Variants in ESRRB observed in about 807,000 individuals in gnomAD.
The protein encoded by ESRRB is steroid hormone receptor ERR2.
In ESRRB, 16 loss-of-function variants were observed where a neutral mutation model predicts 46.0. The observed-to-expected ratio is 0.35, with a 90% CI of 0.24 to 0.53. ESRRB has a LOEUF of 0.53. Ranked by LOEUF, ESRRB falls within the 20% of genes least tolerant of loss-of-function variation. ESRRB has a pLI of 0.93. For missense variants in ESRRB, 488 were observed against 607.4 expected (o/e 0.80, Z 2.07); for synonymous variants, 246 against 259.6 (o/e 0.95, Z 0.50).
chr14:76,365,913 C>T (rs1884516648), intron 1 of ESRRB, among the ~76,000 whole-genome samples: 1 of 152,202 alleles, frequency 6.6e-6, no homozygotes, highest in African/African-American at 2.4e-5. Context: ...AAATGCCTCT[C>T]TTATTGCTCG....
At chr14:76,479,252 T>TGCGC (rs1555343646) in intron 3 of ESRRB, among the ~76,000 whole-genome samples, 2 of 150,142 alleles carry the variant, frequency 1.3e-5, no homozygotes, top group Non-Finnish European at 3.0e-5. Flanking sequence ...CATGCGTGCG[T>TGCGC]GTGTGTGTGT....
chr14:76,427,376 T>C (rs1887250012), intron 1 of ESRRB, among the ~76,000 whole-genome samples: 1 of 152,000 alleles, frequency 6.6e-6, no homozygotes. Context: ...TGTGTACGTG[T>C]ACATGCATGT....
intron 1 of ESRRB, among the ~76,000 whole-genome samples, chr14:76,390,999 G>T (rs376940088): frequency 1.3e-5 from 2 of 152,228 alleles, no homozygotes; most frequent in African/African-American, 4.8e-5. Context: ...CTTGCGAGGA[G>T]GCAGCTGCCC....
In ESRRB at chr14:76,359,739, G is replaced by C. The variant is rs199884911; in HGVS notation, c.2+48823G>C. ...GCAGGCCAGGGAAAGCAGAGGGCTT[G>C]TGGGAAGGGTTCGTGCAGGAGGCAG... is the stretch of plus-strand genomic sequence containing the variant. On this transcript the variant is annotated intron_variant, in intron 1 of 6. Transcript: ENST00000512784. Among the ~76,000 whole-genome samples, 18 of 152,286 alleles carry C rather than the reference G, an allele frequency of 1.2e-4. No individual in the cohort carries two copies. In the East Asian group the frequency reaches 2.9e-3, roughly 24 times the overall value.
Position 76,475,290 on chromosome 14 carries a change from G to A in ESRRB, c.578-6726G>A, listed in dbSNP as rs1306350439. Among the ~76,000 whole-genome samples, 3 of 150,904 alleles carry A rather than the reference G, an allele frequency of 2.0e-5. No homozygotes were observed. The South Asian group carries it at 6.3e-4, about 32-fold the overall frequency. On this transcript the variant is annotated intron_variant, in intron 3 of 6. Coordinates refer to ENST00000644823, the MANE Select transcript of ESRRB (RefSeq NM_001379180.1). ...AGGCTGAGGCAGGAGGATCACTGGA[G>A]CCCAGTAGTTTGAGGTTGCAGCGAG...
intron 3 of ESRRB, among the ~76,000 whole-genome samples, chr14:76,467,500 C>CAAAAAAAAAAAAAAAAAAAAAAA (rs397709875): frequency 1.1e-5 from 1 of 91,740 alleles, no homozygotes; most frequent in Non-Finnish European, 2.2e-5. Context: ...GCCTCTGTCT[C>CAAAAAAAAAAAAAAAAAAAAAAA]AAAAAAAAAA....
chr14:76,403,983 T>G (rs906348362), intron 1 of ESRRB, among the ~76,000 whole-genome samples: 3 of 152,282 alleles, frequency 2.0e-5, no homozygotes, highest in Admixed American at 2.0e-4. Context: ...CCTCCCAAAG[T>G]GCTGGGATTA....
chr14:76,499,571 C>T lies in ESRRB; in HGVS notation c.*1113C>T. ...CTGCACTCAGCATCATGCCACAGGGCTAGTGTACCAGTGCCACAGGAGGGG... is the reference window on the plus strand; with the variant it reads ...CTGCACTCAGCATCATGCCACAGGGTTAGTGTACCAGTGCCACAGGAGGGG... On this transcript the variant is annotated 3_prime_UTR_variant, in exon 7 of 7. Transcript: ENST00000644823. The T allele has an allele frequency of 2.0e-6, 1 of 497,178 alleles. No homozygotes were observed. Among genetic ancestry groups the T allele is most frequent in the South Asian group, 2.0e-5 (1 of 49,294 alleles). 30.8% of individuals were successfully genotyped at this position (497,178 alleles called of 1,614,324 possible). A position where few individuals can be genotyped will look rare whatever the true frequency, so the allele number is the denominator to read the frequency against.
intron 1 of ESRRB, among the ~76,000 whole-genome samples, chr14:76,433,590 G>C (rs2139918524): frequency 6.6e-6 from 1 of 152,236 alleles, no homozygotes; most frequent in East Asian, 1.9e-4. Context: ...CAAGGTAGCT[G>C]GTGCTGCCTG....
chr14:76,358,432 A>T (rs1884424648), intron 1 of ESRRB, among the ~76,000 whole-genome samples: 1 of 150,658 alleles, frequency 6.6e-6, no homozygotes, highest in African/African-American at 2.4e-5. Flanking sequence ...AAAAAGAAAA[A>T]AATGGCAATG....
In ESRRB at chr14:76,461,478, CTTTTGTTTTGTTTTG is replaced by C. The variant is rs147348934; in HGVS notation, c.461-1033_461-1019del. 8.0e-3 allele frequency among the ~76,000 whole-genome samples: 1,202 copies of C among 150,426 alleles called. 45 individuals carry two copies. Among genetic ancestry groups the C allele is most frequent in the Admixed American group, 0.068 (1,032 of 15,076 alleles). ...ATGGGTTGGGTTTATGGTAGCCATT[CTTTTGTTTTGTTTTG>C]TTTTGTTTTGTTTTGTTTTGTTTTG... is the stretch of plus-strand genomic sequence containing the variant. On this transcript the variant is annotated intron_variant, in intron 2 of 6. Transcript: ENST00000644823.
Position 76,475,265 on chromosome 14 carries a change from A to C in ESRRB, c.578-6751A>C, listed in dbSNP as rs1026761179. 2.6e-5 allele frequency among the ~76,000 whole-genome samples: 4 copies of C among 151,224 alleles called. No homozygotes were observed. The South Asian group carries it at 6.3e-4, about 24-fold the overall frequency. On this transcript the variant is annotated intron_variant, in intron 3 of 6. Coordinates refer to ENST00000644823, the MANE Select transcript of ESRRB (RefSeq NM_001379180.1). Reference sequence around the variant, plus strand: ...ACACTTGTAGTCCCAGCTCCTGGAGAGGCTGAGGCAGGAGGATCACTGGAG... The same window carrying C: ...ACACTTGTAGTCCCAGCTCCTGGAGCGGCTGAGGCAGGAGGATCACTGGAG...
chr14:76,496,892 C>T (rs936197191), intron 6 of ESRRB, among the ~76,000 whole-genome samples: 1 of 152,256 alleles, frequency 6.6e-6, no homozygotes, highest in African/African-American at 2.4e-5. Flanking sequence ...CCAAAGCTCC[C>T]TGACAGCAGG....
chr14:76,338,967 A>G (rs1884159571), intron 1 of ESRRB, among the ~76,000 whole-genome samples: 4 of 152,212 alleles, frequency 2.6e-5, no homozygotes, highest in South Asian at 2.1e-4. Flanking sequence ...AAAGAAAAAT[A>G]GCATGCACCT....
At position 76,498,547 on chromosome 14, in the gene ESRRB, C is replaced by A; in HGVS notation, c.*89C>A. On this transcript the variant is annotated 3_prime_UTR_variant, in exon 7 of 7. Coordinates refer to ENST00000644823, the MANE Select transcript of ESRRB (RefSeq NM_001379180.1). Reference sequence around the variant, plus strand: ...CTCCACAGCCACCAGCCTCCACCTTCAACCCCTGTATCATGGCTCTGAGCT... The same window carrying A: ...CTCCACAGCCACCAGCCTCCACCTTAAACCCCTGTATCATGGCTCTGAGCT... The A allele has an allele frequency of 6.4e-7, 1 of 1,570,036 alleles. No individual in the cohort carries two copies. Among genetic ancestry groups the A allele is most frequent in the Non-Finnish European group, 8.7e-7 (1 of 1,153,108 alleles).
chr14:76,482,161 G>T lies in ESRRB; in HGVS notation c.688+35G>T, dbSNP rs1247796918. ...AGGGCAGTCCCTGCCCCTTTTGCCA[G>T]CATCTGTACCTGGAACATCAGGCAT... On this transcript the variant is annotated intron_variant, in intron 4 of 6. Transcript: ENST00000644823. The surrounding 1 kb of genome is among the most constrained non-coding windows in gnomAD (Gnocchi z 4.3). 6.7e-7 allele frequency: 1 copy of T among 1,498,200 alleles called. No homozygotes were observed. Among genetic ancestry groups the T allele is most frequent in the African/African-American group, 1.4e-5 (1 of 72,840 alleles). The allele number at this position is 1,498,200 out of a possible 1,614,324, so 92.8% of individuals were successfully genotyped here. A position where few individuals can be genotyped will look rare whatever the true frequency, so the allele number is the denominator to read the frequency against.
At chr14:76,437,842 C>A (rs556757140) in intron 1 of ESRRB, among the ~76,000 whole-genome samples, 1 of 152,258 alleles carries the variant, frequency 6.6e-6, no homozygotes, top group South Asian at 2.1e-4. Flanking sequence ...AGCTGGGATA[C>A]GGGAGGGGAA....
chr14:76,382,525 A>G (rs1394369838), intron 1 of ESRRB, among the ~76,000 whole-genome samples: 3 of 152,246 alleles, frequency 2.0e-5, no homozygotes, highest in Non-Finnish European at 4.4e-5. Flanking sequence ...AATTTGGGCC[A>G]TTCTGTTCCA....
chr14:76,436,863 GTC>G (rs912551679), intron 1 of ESRRB, among the ~76,000 whole-genome samples: 1 of 152,130 alleles, frequency 6.6e-6, no homozygotes, highest in African/African-American at 2.4e-5. Context: ...AGACCCAGGA[GTC>G]TCTGTCTTCA....
Sources: allele counts gnomAD v4.1 joint callset (sites outside exome capture counted in the v4.1 genomes callset), GRCh38; gene constraint gnomAD v4.1.1; non-coding constraint Gnocchi (gnomAD v3.1); transcripts MANE v1.5; gene names NCBI Gene and HGNC (gene_info 2026-07-23, HGNC 2026-07-21).